The following LMBRD1 variants were observed in gnomAD, a reference collection of about 807,000 sequenced individuals.
LMBRD1 encodes LMBR1 domain containing 1.
A neutral mutation model predicts 74.8 loss-of-function variants in LMBRD1; 64 were observed. The observed-to-expected ratio is 0.86, with a 90% CI of 0.70 to 1.05. The LOEUF (loss-of-function observed/expected upper bound fraction) is 1.05, where lower values mean the gene tolerates loss of function less well. LMBRD1 is among the 50% of genes least tolerant of loss of function. The probability of loss-of-function intolerance (pLI) is 0.00; values close to 1 mark genes in which losing one functional copy is unlikely to be tolerated. For missense variants in LMBRD1, 652 were observed against 645.9 expected (o/e 1.01, Z -0.10); for synonymous variants, 204 against 216.3 (o/e 0.94, Z 0.50).
chr6:69,699,339 C>T, intron 12 of LMBRD1, 147 bp from the exon 13 acceptor site: 2 of 699,082 alleles, frequency 2.9e-6, no homozygotes, highest in South Asian at 3.6e-5. Context: ...CTTAATCATC[C>T]CAAATAATTT....
At chr6:69,696,502 C>T (rs922033570) in intron 14 of LMBRD1, among the ~76,000 whole-genome samples, 4 of 152,236 alleles carry the variant, frequency 2.6e-5, no homozygotes, top group Admixed American at 2.6e-4. Context: ...TGCCTTCCTC[C>T]CTCCAACCCC....
At chr6:69,786,781 G>T (rs556427469) in intron 2 of LMBRD1, among the ~76,000 whole-genome samples, 2 of 152,212 alleles carry the variant, frequency 1.3e-5, no homozygotes, top group South Asian at 2.1e-4. Flanking sequence ...CAAAAATAAA[G>T]AAACTAGCAA....
At chr6:69,680,104 T>TC (rs1217448035) in intron 14 of LMBRD1, among the ~76,000 whole-genome samples, 1 of 152,106 alleles carries the variant, frequency 6.6e-6, no homozygotes, top group African/African-American at 2.4e-5. Context: ...ATAATCAGTA[T>TC]CAGCATACAC....
intron 7 of LMBRD1, among the ~76,000 whole-genome samples, chr6:69,734,038 G>C (rs763806038): frequency 2.0e-5 from 3 of 152,108 alleles, no homozygotes; most frequent in Non-Finnish European, 2.9e-5. Flanking sequence ...ATTTAGATGG[G>C]AAAGTAGGTC....
At chr6:69,701,845 A>G (rs755248426) in intron 10 of LMBRD1, 44 bp downstream of exon 10, 37 of 1,293,250 alleles carry the variant, frequency 2.9e-5, no homozygotes, top group Non-Finnish European at 3.8e-5. Flanking sequence ...ATATTATCAT[A>G]GAATTTGTAT....
At chr6:69,714,628 C>G (rs1036586637) in intron 8 of LMBRD1, among the ~76,000 whole-genome samples, 1 of 151,914 alleles carries the variant, frequency 6.6e-6, no homozygotes, top group African/African-American at 2.4e-5. Flanking sequence ...ATCAGAATGT[C>G]TTTAATATTC....
chr6:69,737,304 A>G (rs1766997141), intron 7 of LMBRD1, among the ~76,000 whole-genome samples: 1 of 152,108 alleles, frequency 6.6e-6, no homozygotes, highest in Admixed American at 6.5e-5. Context: ...CTTTTTATCT[A>G]CAATGTGAGC....
rs1387756161 is a variant in LMBRD1 at position 69,737,996 on chromosome 6, T to C, written c.582A>G (p.Ser194=). The C allele has an allele frequency of 1.2e-6, 2 of 1,609,766 alleles. No individual in the cohort carries two copies. The highest frequency in any genetic ancestry group is 2.2e-5 in the South Asian group (2 of 90,540). Residue 194 remains serine, a synonymous_variant, in exon 7 of 16, where the codon TCA becomes TCG. Coordinates refer to ENST00000649934, the MANE Select transcript of LMBRD1 (RefSeq NM_018368.4). ...TCAAGGTCAGAGAACTGATAGAAAATGACAATGCAGCTAAACCATCTGTGA... is the reference window on the plus strand; with the variant it reads ...TCAAGGTCAGAGAACTGATAGAAAACGACAATGCAGCTAAACCATCTGTGA... ...LGSSHGLAAL[S]FSISSLTLIG...
At chr6:69,787,084 T>C (rs1010421729) in intron 2 of LMBRD1, among the ~76,000 whole-genome samples, 2 of 152,214 alleles carry the variant, frequency 1.3e-5, no homozygotes, top group Non-Finnish European at 2.9e-5. Context: ...CAAAACCACG[T>C]TGGCATCCTT....
chr6:69,712,181 T>C (rs562807187), intron 9 of LMBRD1, among the ~76,000 whole-genome samples: 1 of 152,310 alleles, frequency 6.6e-6, no homozygotes, highest in African/African-American at 2.4e-5. Context: ...TTTGAAATGC[T>C]TCCAGATATA....
intron 3 of LMBRD1, among the ~76,000 whole-genome samples, chr6:69,760,171 A>T (rs1305820359): frequency 6.6e-6 from 1 of 152,220 alleles, no homozygotes. Context: ...TATACAACAG[A>T]AAACATGTGC....
At chr6:69,717,508 T>C (rs939705372) in intron 8 of LMBRD1, among the ~76,000 whole-genome samples, 9 of 152,194 alleles carry the variant, frequency 5.9e-5, no homozygotes, top group African/African-American at 9.6e-5. Context: ...AAAATGTAAC[T>C]ACAAATTAAC....
At chr6:69,745,274 C>G (rs1450152319) in intron 5 of LMBRD1, among the ~76,000 whole-genome samples, 1 of 136,270 alleles carries the variant, frequency 7.3e-6, no homozygotes, top group Non-Finnish European at 1.6e-5. Context: ...TTTTTTGAGA[C>G]GGAGTCTCGC....
chr6:69,730,158 T>C (rs1029811010), intron 7 of LMBRD1, among the ~76,000 whole-genome samples: 15 of 152,122 alleles, frequency 9.9e-5, no homozygotes, highest in African/African-American at 3.4e-4. Context: ...ACCAACTGTA[T>C]TTGAAAACTA....
chr6:69,739,390 G>A (rs7758522), intron 6 of LMBRD1, among the ~76,000 whole-genome samples: 2,461 of 150,542 alleles, frequency 0.016, 54 homozygotes, highest in African/African-American at 0.056. Flanking sequence ...ATATTAGGGG[G>A]TCTATGATCT....
At chr6:69,709,428 A>T (rs1766335937) in intron 9 of LMBRD1, among the ~76,000 whole-genome samples, 1 of 152,128 alleles carries the variant, frequency 6.6e-6, no homozygotes, top group Non-Finnish European at 1.5e-5. Flanking sequence ...ACCCCTAGAG[A>T]TTCCTTCAGG....
At chr6:69,789,023 T>C (rs1766022110) in intron 2 of LMBRD1, among the ~76,000 whole-genome samples, 1 of 152,228 alleles carries the variant, frequency 6.6e-6, no homozygotes, top group Non-Finnish European at 1.5e-5. Context: ...TCACTTAAAA[T>C]AGAGTCTGAC....
intron 4 of LMBRD1, among the ~76,000 whole-genome samples, chr6:69,749,702 G>A (rs1765077148): frequency 6.6e-6 from 1 of 151,408 alleles, no homozygotes; most frequent in African/African-American, 2.4e-5. Flanking sequence ...ATCAGAATAT[G>A]TAATAAAATA....
intron 2 of LMBRD1, among the ~76,000 whole-genome samples, chr6:69,782,724 G>A (rs1765865261): frequency 6.6e-6 from 1 of 151,990 alleles, no homozygotes; most frequent in African/African-American, 2.4e-5. Context: ...AAGACTAGGA[G>A]GTTATATGCC....
Sources: gnomAD v4.1 joint callset for allele counts (sites outside exome capture counted in the v4.1 genomes callset) on GRCh38, gnomAD v4.1.1 for gene constraint, MANE v1.5 for transcripts, NCBI Gene and HGNC (gene_info 2026-07-23, HGNC 2026-07-21) for gene names.